IGFBP7: variants seen among roughly 807,000 people sequenced by gnomAD.
The protein encoded by IGFBP7 is insulin like growth factor binding protein 7.
Under a neutral mutation model 29.4 loss-of-function variants are expected in IGFBP7, and 31 were observed. That is an observed-to-expected ratio of 1.05 (90% confidence interval 0.79 to 1.42). The LOEUF is 1.42. IGFBP7 is among the 40% of genes most tolerant of loss of function. IGFBP7 has a pLI of 0.00. For synonymous variants in IGFBP7, 172 were observed against 174.9 expected (o/e 0.98, Z 0.13); for missense variants, 393 against 395.5 (o/e 0.99, Z 0.05).
chr4:57,096,752 G>A (rs1725772458), intron 1 of IGFBP7, among the ~76,000 whole-genome samples: 3 of 152,186 alleles, frequency 2.0e-5, no homozygotes, highest in Non-Finnish European at 2.9e-5. Flanking sequence ...CTGGAAGGTG[G>A]ACATTATCAC....
chr4:57,101,098 G>A (rs750852195), intron 1 of IGFBP7, among the ~76,000 whole-genome samples: 4 of 152,192 alleles, frequency 2.6e-5, no homozygotes, highest in Admixed American at 1.3e-4. Context: ...AGCATAGTCC[G>A]CATAGTTTAC....
chr4:57,038,108 C>G (rs529980184), intron 2 of IGFBP7, among the ~76,000 whole-genome samples: 2 of 152,336 alleles, frequency 1.3e-5, no homozygotes, highest in East Asian at 3.9e-4. Context: ...TTTTCTGGTA[C>G]CTGTTCCCAG....
chr4:57,105,794 G>A (rs1468769516), intron 1 of IGFBP7, among the ~76,000 whole-genome samples: 1 of 152,146 alleles, frequency 6.6e-6, no homozygotes, highest in Non-Finnish European at 1.5e-5. Context: ...ATGGCTGGAT[G>A]CATAGCTCTA....
intron 1 of IGFBP7, among the ~76,000 whole-genome samples, chr4:57,048,466 G>C (rs1342173621): frequency 6.6e-6 from 1 of 152,230 alleles, no homozygotes; most frequent in African/African-American, 2.4e-5. Context: ...TACTGATACA[G>C]AAAAGGTAGT....
intron 1 of IGFBP7, among the ~76,000 whole-genome samples, chr4:57,087,559 G>T (rs182870219): frequency 7.2e-5 from 11 of 152,284 alleles, no homozygotes; most frequent in Non-Finnish European, 1.3e-4. Context: ...AAGGGGAGGA[G>T]TGGACCAGAG....
At chr4:57,090,217 G>A (rs1725602624) in intron 1 of IGFBP7, among the ~76,000 whole-genome samples, 1 of 152,134 alleles carries the variant, frequency 6.6e-6, no homozygotes, top group Non-Finnish European at 1.5e-5. Context: ...TATGTTGAGG[G>A]ATTGATTCAG....
intron 2 of IGFBP7, among the ~76,000 whole-genome samples, chr4:57,033,912 G>A (rs952789974): frequency 1.3e-4 from 20 of 152,222 alleles, no homozygotes; most frequent in African/African-American, 4.6e-4. Context: ...TTAGCCGATT[G>A]TGTTGGCGAG....
At chr4:57,081,053 A>G (rs1232513368) in intron 1 of IGFBP7, among the ~76,000 whole-genome samples, 1 of 151,988 alleles carries the variant, frequency 6.6e-6, no homozygotes, top group African/African-American at 2.4e-5. Flanking sequence ...GGAAGTCAAC[A>G]CCCATTTCCT....
chr4:57,046,225 G>A (rs988892914), intron 1 of IGFBP7, among the ~76,000 whole-genome samples: 9 of 151,924 alleles, frequency 5.9e-5, no homozygotes, highest in African/African-American at 9.7e-5. Context: ...TCTCCTCCCC[G>A]ACTCTCAAGA....
rs369881853 is a variant in IGFBP7 at position 57,035,723 on chromosome 4, A to G, written c.586-2412T>C. Reference sequence around the variant, plus strand: ...TGATCCACTTGCCTTGGCCTCCCAAAGTGCTGGGATTACAGGCATGAGCCA... The same window carrying G: ...TGATCCACTTGCCTTGGCCTCCCAAGGTGCTGGGATTACAGGCATGAGCCA... On this transcript the variant is annotated intron_variant, in intron 2 of 4. Coordinates refer to ENST00000295666, the MANE Select transcript of IGFBP7 (RefSeq NM_001553.3). 3.7e-4 allele frequency among the ~76,000 whole-genome samples: 57 copies of G among 152,262 alleles called. No homozygotes were observed. The East Asian group carries it at 9.3e-3, about 25-fold the overall frequency.
At chr4:57,088,650 C>A (rs1423767152) in intron 1 of IGFBP7, among the ~76,000 whole-genome samples, 1 of 152,104 alleles carries the variant, frequency 6.6e-6, no homozygotes, top group Non-Finnish European at 1.5e-5. Flanking sequence ...ATGCTTAGAA[C>A]CTCATATGAA....
At chr4:57,101,682 CG>C (rs1725899663) in intron 1 of IGFBP7, among the ~76,000 whole-genome samples, 1 of 152,032 alleles carries the variant, frequency 6.6e-6, no homozygotes, top group Non-Finnish European at 1.5e-5. Flanking sequence ...AATAAGTAAA[CG>C]TTTCCCCCCC....
At chr4:57,081,682 G>T (rs1725372612) in intron 1 of IGFBP7, among the ~76,000 whole-genome samples, 2 of 152,022 alleles carry the variant, frequency 1.3e-5, no homozygotes. Context: ...TCCCCATGGT[G>T]GCAGGGCTTC....
At chr4:57,088,476 T>C (rs775120071) in intron 1 of IGFBP7, among the ~76,000 whole-genome samples, 1 of 152,180 alleles carries the variant, frequency 6.6e-6, no homozygotes, top group Non-Finnish European at 1.5e-5. Context: ...CAGTTTCTGC[T>C]TCTACCCTTC....
chr4:57,051,575 A>T (rs1368009464), intron 1 of IGFBP7, among the ~76,000 whole-genome samples: 3 of 152,198 alleles, frequency 2.0e-5, no homozygotes, highest in Non-Finnish European at 4.4e-5. Flanking sequence ...TCTTCTCTAA[A>T]TATAATCTGT....
chr4:57,105,511 T>C (rs1308244533), intron 1 of IGFBP7, among the ~76,000 whole-genome samples: 1 of 152,366 alleles, frequency 6.6e-6, no homozygotes, highest in East Asian at 1.9e-4. Flanking sequence ...ATGACAACAA[T>C]TAATGTTCAT....
At chr4:57,042,935 A>G (rs1724266392) in intron 1 of IGFBP7, among the ~76,000 whole-genome samples, 2 of 152,186 alleles carry the variant, frequency 1.3e-5, no homozygotes, top group African/African-American at 2.4e-5. Flanking sequence ...AATCCTTTAC[A>G]CATTTTCCAG....
At chr4:57,071,021 G>A (rs1260756508) in intron 1 of IGFBP7, among the ~76,000 whole-genome samples, 1 of 152,138 alleles carries the variant, frequency 6.6e-6, no homozygotes, top group Non-Finnish European at 1.5e-5. Flanking sequence ...CTTCTGCTCT[G>A]AACACACCTG....
intron 1 of IGFBP7, among the ~76,000 whole-genome samples, chr4:57,046,382 T>C (rs1724362681): frequency 6.6e-6 from 1 of 152,146 alleles, no homozygotes; most frequent in Admixed American, 6.5e-5. Flanking sequence ...AAATAACTTC[T>C]AACTCTTTCC....
Sources: gnomAD v4.1 joint callset for allele counts (sites outside exome capture counted in the v4.1 genomes callset) on GRCh38, gnomAD v4.1.1 for gene constraint, MANE v1.5 for transcripts, NCBI Gene and HGNC (gene_info 2026-07-23, HGNC 2026-07-21) for gene names.